Variants in SMG1 observed in about 807,000 individuals in gnomAD.
The protein encoded by SMG1 is SMG1 nonsense mediated mRNA decay associated PI3K related kinase.
Under a neutral mutation model 419.9 loss-of-function variants are expected in SMG1, and 22 were observed. The observed-to-expected ratio is 0.05, with a 90% CI of 0.04 to 0.07. The LOEUF is 0.07. SMG1 is among the 10% of genes least tolerant of loss of function. SMG1 has a pLI of 1.00. For missense variants in SMG1, 3,185 were observed against 4,342.0 expected (o/e 0.73, Z 7.49); for synonymous variants, 1,538 against 1,553.5 (o/e 0.99, Z 0.23).
intron 3 of SMG1, among the ~76,000 whole-genome samples, chr16:18,894,943 G>A (rs1457833715): frequency 1.3e-5 from 2 of 151,904 alleles, no homozygotes; most frequent in African/African-American, 4.8e-5. Context: ...TCAGCCTCCC[G>A]TGTAGCTGGG....
chr16:18,897,580 T>C (rs1244266868), intron 1 of SMG1, among the ~76,000 whole-genome samples: 1 of 152,142 alleles, frequency 6.6e-6, no homozygotes, highest in Non-Finnish European at 1.5e-5. Context: ...AGAAATGCAA[T>C]AAAGTGATAT....
rs777103103 is a variant in SMG1 at position 18,869,236 on chromosome 16, T to C, written c.2701A>G (p.Ile901Val). ...TCTGTCTTCAGGAGATTGCGTGGAATTGTTGACTGGTCACGCTTATCCAGT... is the reference window on the plus strand; with the variant it reads ...TCTGTCTTCAGGAGATTGCGTGGAACTGTTGACTGGTCACGCTTATCCAGT... ...QRLDKRDQST[I>V]PRNLLKTDAV... The change falls in exon 20 of 63, where the codon ATT (isoleucine) becomes GTT (valine). Residue 901 changes from isoleucine (I) to valine (V), a missense_variant. This residue lies in a region of SMG1 where 48 missense variants were observed against 48.8 expected (regional missense o/e 0.98). Transcript: ENST00000446231. 7 of 1,611,548 alleles carry C rather than the reference T, an allele frequency of 4.3e-6. No homozygotes were observed. Among genetic ancestry groups the C allele is most frequent in the South Asian group, 3.3e-5 (3 of 90,990 alleles).
chr16:18,916,069 C>CAAAAAAAAAAAAAAAAAAAAAAAAAA (rs35871395), intron 1 of SMG1, among the ~76,000 whole-genome samples: 1 of 34,794 alleles, frequency 2.9e-5, no homozygotes, highest in Non-Finnish European at 5.1e-5. Flanking sequence ...CACTTCGTCT[C>CAAAAAAAAAAAAAAAAAAAAAAAAAA]AAAAAAAAAA....
chr16:18,880,733 C>A, intron 10 of SMG1, among the ~76,000 whole-genome samples: 1 of 79,464 alleles, frequency 1.3e-5, no homozygotes, highest in Non-Finnish European at 2.4e-5. Flanking sequence ...GGGGGGGGCG[C>A]GGAGGGGGAA....
chr16:18,867,074 T>G (rs528963578), intron 22 of SMG1, among the ~76,000 whole-genome samples: 11 of 152,076 alleles, frequency 7.2e-5, no homozygotes, highest in African/African-American at 2.2e-4. Flanking sequence ...AAGCAAAAAT[T>G]AAATATAAAT....
chr16:18,846,064 T>C (rs2034246959), intron 38 of SMG1, among the ~76,000 whole-genome samples: 1 of 152,096 alleles, frequency 6.6e-6, no homozygotes, highest in Non-Finnish European at 1.5e-5. Flanking sequence ...TCCGCCCGCC[T>C]CAGCCTCCCA....
At chr16:18,870,589 G>A (rs761403560) in intron 18 of SMG1, 21 bp downstream of exon 18, 9 of 1,444,094 alleles carry the variant, frequency 6.2e-6, no homozygotes, top group Middle Eastern at 2.4e-4. Context: ...GAATGTCTTT[G>A]CTCCAAAACA....
At chr16:18,821,077 C>G (rs534185556) in intron 55 of SMG1, among the ~76,000 whole-genome samples, 1 of 152,114 alleles carries the variant, frequency 6.6e-6, no homozygotes, top group Admixed American at 6.6e-5. Flanking sequence ...TTAGCTACTA[C>G]TAATAAACAA....
At chr16:18,832,625 T>G (rs879823816) in intron 51 of SMG1, among the ~76,000 whole-genome samples, 1 of 151,304 alleles carries the variant, frequency 6.6e-6, no homozygotes, top group Admixed American at 6.6e-5. Context: ...AATAAGTGCA[T>G]GTATAACTAG....
intron 48 of SMG1, 135 bp from the exon 49 acceptor site, chr16:18,835,299 A>G: frequency 1.0e-6 from 1 of 982,000 alleles, no homozygotes; most frequent in Non-Finnish European, 1.5e-6. Flanking sequence ...AAATGTCTCA[A>G]GAGCTTAAGC....
intron 4 of SMG1, among the ~76,000 whole-genome samples, chr16:18,891,935 A>C (rs552509471): frequency 2.0e-5 from 3 of 152,290 alleles, no homozygotes; most frequent in South Asian, 2.1e-4. Flanking sequence ...GGTGTAGTGG[A>C]ACATGCCTGA....
chr16:18,917,330 T>C (rs922897378), intron 1 of SMG1, among the ~76,000 whole-genome samples: 1 of 151,718 alleles, frequency 6.6e-6, no homozygotes, highest in African/African-American at 2.4e-5. Context: ...TTATTGTATT[T>C]TTAGTAGACA....
intron 55 of SMG1, among the ~76,000 whole-genome samples, chr16:18,827,786 ATATATATTTTG>A (rs2032843845): frequency 6.9e-6 from 1 of 145,510 alleles, no homozygotes; most frequent in Admixed American, 7.0e-5. Flanking sequence ...TATATATTTT[ATATATATTTTG>A]GTATTTGGTA....
At chr16:18,865,041 G>C (rs1478679648) in intron 23 of SMG1, among the ~76,000 whole-genome samples, 2 of 152,312 alleles carry the variant, frequency 1.3e-5, no homozygotes, top group East Asian at 1.9e-4. Flanking sequence ...TCCAAGAAAA[G>C]ATGCACAAGT....
At chr16:18,820,825 C>T (rs2032463750) in intron 55 of SMG1, among the ~76,000 whole-genome samples, 1 of 152,106 alleles carries the variant, frequency 6.6e-6, no homozygotes, top group Non-Finnish European at 1.5e-5. Flanking sequence ...TTTTATACTG[C>T]TATTAATTTA....
In SMG1 at chr16:18,876,208, G is replaced by C. The variant is rs374373193; in HGVS notation, c.1806C>G (p.Phe602Leu). The C allele has an allele frequency of 1.7e-5, 27 of 1,611,636 alleles. No homozygotes were observed. The African/African-American group carries it at 2.8e-4, about 17-fold the overall frequency. Residue 602 changes from phenylalanine (F) to leucine (L), a missense_variant, in exon 13 of 63, where the codon TTC becomes TTG. This residue lies in a region of SMG1 where 297 missense variants were observed against 491.0 expected (regional missense o/e 0.60). Coordinates refer to ENST00000446231, the MANE Select transcript of SMG1 (RefSeq NM_015092.5). ...IKHEAFKNHVFNVDNAKFVVI... is the reference protein window; with the variant it reads ...IKHEAFKNHVLNVDNAKFVVI... ...CTACAAATTTTGCATTGTCTACATT[G>C]AACACATGATTCTTAAAAGCCTCAT...
intron 25 of SMG1, among the ~76,000 whole-genome samples, chr16:18,863,229 C>T (rs2035305334): frequency 6.6e-6 from 1 of 152,166 alleles, no homozygotes; most frequent in South Asian, 2.1e-4. Context: ...AATAAAAGCA[C>T]AGAGGAATGA....
intron 55 of SMG1, among the ~76,000 whole-genome samples, chr16:18,827,176 C>A (rs1198489418): frequency 1.3e-5 from 2 of 151,978 alleles, no homozygotes; most frequent in Non-Finnish European, 2.9e-5. Flanking sequence ...CCTGCAATCC[C>A]AGTGTTTTGG....
intron 22 of SMG1, among the ~76,000 whole-genome samples, 184 bp downstream of exon 22, chr16:18,868,006 C>A (rs1249131214): frequency 2.6e-5 from 4 of 152,230 alleles, no homozygotes; most frequent in Non-Finnish European, 4.4e-5. Context: ...CCGCGCCCGG[C>A]CTATTTTAAC....
Sources: gnomAD v4.1 joint callset for allele counts (sites outside exome capture counted in the v4.1 genomes callset) on GRCh38, gnomAD v4.1.1 for gene constraint, gnomAD v4.1.1 regional missense constraint, MANE v1.5 for transcripts, NCBI Gene and HGNC (gene_info 2026-07-23, HGNC 2026-07-21) for gene names.